GSG1L: variants seen among roughly 807,000 people sequenced by gnomAD.
GSG1L encodes the protein germ cell-specific gene 1-like protein.
A neutral mutation model predicts 42.1 loss-of-function variants in GSG1L; 24 were observed. The ratio of observed to expected loss-of-function variants is 0.57; its 90% CI spans 0.41 to 0.80. GSG1L has a LOEUF of 0.80. Among genes scored for constraint, GSG1L ranks in the 30% least tolerant of loss-of-function variants. GSG1L has a pLI of 0.00. For synonymous variants in GSG1L, 215 were observed against 203.5 expected, an observed-to-expected ratio of 1.06 and a Z score of -0.48; for missense variants, 445 against 472.2, an observed-to-expected ratio of 0.94 and a Z score of 0.53.
chr16:28,060,882 A>T (rs1045899277), intron 1 of GSG1L, among the ~76,000 whole-genome samples: 2 of 152,234 alleles, frequency 1.3e-5, no homozygotes, highest in African/African-American at 4.8e-5. Context: ...ATAATTTTTT[A>T]AAATACTTAA....
intron 1 of GSG1L, among the ~76,000 whole-genome samples, chr16:28,034,783 T>C (rs2086013497): frequency 6.6e-6 from 1 of 152,204 alleles, no homozygotes; most frequent in African/African-American, 2.4e-5. Context: ...CTCTACCCAT[T>C]GGCTGCCTAT....
chr16:27,855,311 C>T (rs376115935), intron 3 of GSG1L, among the ~76,000 whole-genome samples: 34 of 152,318 alleles, frequency 2.2e-4, no homozygotes, highest in African/African-American at 7.0e-4. Context: ...GCTCAGCGAG[C>T]TGTGGTGAGT....
At position 28,003,428 on chromosome 16, in the gene GSG1L, A is replaced by G. The variant is rs2085601031; in HGVS notation, c.350-40225T>C. 2.6e-5 allele frequency among the ~76,000 whole-genome samples: 4 copies of G among 152,146 alleles called. No homozygotes were observed. In the South Asian group the frequency reaches 8.3e-4, roughly 32 times the overall value. On this transcript the variant is annotated intron_variant, in intron 1 of 6. Coordinates refer to ENST00000447459, the MANE Select transcript of GSG1L (RefSeq NM_001109763.2). ...CTCTGAACACATGCCTGCCTCCCTC[A>G]AACATTCCACCCCTTGTCCCTGTGA...
In GSG1L at chr16:28,018,803, T is replaced by A. The variant is rs373827692; in HGVS notation, c.349+44273A>T. 4.6e-5 allele frequency among the ~76,000 whole-genome samples: 7 copies of A among 151,698 alleles called. No individual in the cohort carries two copies. The East Asian group carries it at 1.4e-3, about 30-fold the overall frequency. On this transcript the variant is annotated intron_variant, in intron 1 of 6. Coordinates refer to ENST00000447459, the MANE Select transcript of GSG1L (RefSeq NM_001109763.2). Reference sequence around the variant, plus strand: ...GAGCCCATAACATGCCGCCCCCACATGAAGTGCTGAGACATGTCTGTTTTC... The same window carrying A: ...GAGCCCATAACATGCCGCCCCCACAAGAAGTGCTGAGACATGTCTGTTTTC...
At chr16:27,827,856 TTCCATCCATCCA>T (rs72231743) in intron 5 of GSG1L, among the ~76,000 whole-genome samples, 131 of 128,380 alleles carry the variant, frequency 1.0e-3, no homozygotes, top group East Asian at 7.8e-3. Context: ...CCACTCACCA[TTCCATCCATCCA>T]TCCATCCATC....
chr16:27,835,042 G>A (rs1336521897), intron 4 of GSG1L, among the ~76,000 whole-genome samples: 1 of 152,056 alleles, frequency 6.6e-6, no homozygotes, highest in Non-Finnish European at 1.5e-5. Flanking sequence ...ATGATGTTGA[G>A]TTCTTTTATA....
chr16:27,850,522 T>C (rs12923634), intron 3 of GSG1L: 3 of 455,772 alleles, frequency 6.6e-6, no homozygotes, highest in Non-Finnish European at 1.3e-5. Context: ...GGTCCCAGGA[T>C]GAAGCCAACA....
At chr16:27,873,260 G>A (rs59672883) in intron 3 of GSG1L, among the ~76,000 whole-genome samples, 2,532 of 152,272 alleles carry the variant, frequency 0.017, 67 homozygotes, top group African/African-American at 0.058. Context: ...GACTTGGCCT[G>A]AACTTCTTTG....
chr16:27,886,465 T>C (rs1267043680), intron 2 of GSG1L, among the ~76,000 whole-genome samples: 1 of 151,978 alleles, frequency 6.6e-6, no homozygotes. Flanking sequence ...AAAATGGGGG[T>C]AATAACGCCT....
At chr16:28,011,311 G>A (rs2085714561) in intron 1 of GSG1L, among the ~76,000 whole-genome samples, 2 of 152,332 alleles carry the variant, frequency 1.3e-5, no homozygotes, top group Non-Finnish European at 2.9e-5. Context: ...CCGCCTGCAG[G>A]GCATCCTCCG....
At position 27,899,745 on chromosome 16, in the gene GSG1L, C is replaced by T. The variant is rs180960279; in HGVS notation, c.398-15107G>A. 3.3e-4 allele frequency among the ~76,000 whole-genome samples: 50 copies of T among 152,178 alleles called. 1 individual carries two copies. The highest frequency in any genetic ancestry group is 5.7e-4 in the Non-Finnish European group (39 of 67,988). On this transcript the variant is annotated intron_variant, in intron 2 of 6. Transcript: ENST00000447459. ...AACATAAATAAATAACAACAAGACA[C>T]GTGTAAAGAGGCATAACCCAGGGTT... is the stretch of plus-strand genomic sequence containing the variant.
intron 3 of GSG1L, among the ~76,000 whole-genome samples, chr16:27,851,014 C>T (rs1435186516): frequency 1.3e-5 from 2 of 151,800 alleles, no homozygotes; most frequent in Non-Finnish European, 1.5e-5. Context: ...AGAATGATCA[C>T]GTGGAGAGGG....
chr16:28,054,088 A>G (rs572511691), intron 1 of GSG1L, among the ~76,000 whole-genome samples: 1 of 150,836 alleles, frequency 6.6e-6, no homozygotes, highest in Non-Finnish European at 1.5e-5. Flanking sequence ...ACTCCTCACA[A>G]TGTCTGTGTC....
intron 2 of GSG1L, among the ~76,000 whole-genome samples, chr16:27,929,171 A>G (rs1388485225): frequency 6.6e-6 from 1 of 152,160 alleles, no homozygotes; most frequent in Non-Finnish European, 1.5e-5. Context: ...AGGTAAATAA[A>G]TGGCTCCTGG....
intron 2 of GSG1L, among the ~76,000 whole-genome samples, chr16:27,961,828 TG>T (rs1441266713): frequency 5.0e-4 from 76 of 152,242 alleles, no homozygotes; most frequent in South Asian, 4.1e-4. Context: ...AAGAGGCTGC[TG>T]GGGGGTAGGG....
chr16:27,869,167 G>A lies in GSG1L; in HGVS notation c.550+15319C>T, dbSNP rs904319912. Reference sequence around the variant, plus strand: ...CTGAGGATGGGCTCAGCTCTCCTCTGATCTTCTAGGACCTTCCTTGGACGG... The same window carrying A: ...CTGAGGATGGGCTCAGCTCTCCTCTAATCTTCTAGGACCTTCCTTGGACGG... On this transcript the variant is annotated intron_variant, in intron 3 of 6. Transcript: ENST00000447459. Among the ~76,000 whole-genome samples, 6 of 147,392 alleles carry A rather than the reference G, an allele frequency of 4.1e-5. No homozygotes were observed. The South Asian group carries it at 1.2e-3, about 31-fold the overall frequency.
chr16:27,903,362 G>A (rs2084284760), intron 2 of GSG1L, among the ~76,000 whole-genome samples: 2 of 152,140 alleles, frequency 1.3e-5, no homozygotes, highest in South Asian at 4.1e-4. Context: ...CTGCCCTGTG[G>A]GGAGACTTCT....
At chr16:27,990,297 ATT>A (rs1393825010) in intron 1 of GSG1L, among the ~76,000 whole-genome samples, 3 of 152,158 alleles carry the variant, frequency 2.0e-5, no homozygotes, top group Non-Finnish European at 4.4e-5. Context: ...AAATGGAGAC[ATT>A]TACATTTCCC....
intron 3 of GSG1L, among the ~76,000 whole-genome samples, chr16:27,849,197 CAAAAAGAAAAAAAAA>C (rs748190730): frequency 3.5e-5 from 4 of 113,628 alleles, no homozygotes; most frequent in African/African-American, 6.5e-5. Context: ...GCCTCTATCC[CAAAAAGAAAAAAAAA>C]AAAAAAAAAA....
Sources: gnomAD v4.1 joint callset for allele counts (sites outside exome capture counted in the v4.1 genomes callset) on GRCh38, gnomAD v4.1.1 for gene constraint, MANE v1.5 for transcripts, NCBI Gene and HGNC (gene_info 2026-07-23, HGNC 2026-07-21) for gene names.